TENM3: variants seen among roughly 807,000 people sequenced by gnomAD.
TENM3 encodes the protein teneurin transmembrane protein 3, also known as teneurin-3.
TENM3 carries 63 observed loss-of-function variants against 255.1 expected under a neutral mutation model. The observed-to-expected ratio is 0.25, with a 90% CI of 0.20 to 0.30. The LOEUF (loss-of-function observed/expected upper bound fraction) is 0.30. Among genes scored for constraint, TENM3 ranks in the 10% least tolerant of loss-of-function variants. The pLI is 1.00. For synonymous variants in TENM3, 1,306 were observed against 1,322.3 expected (o/e 0.99, Z 0.27); for missense variants, 2,929 against 3,461.1 (o/e 0.85, Z 3.86).
chr4:182,399,219 T>C (rs1401325047), intron 3 of TENM3, among the ~76,000 whole-genome samples: 1 of 152,236 alleles, frequency 6.6e-6, no homozygotes, highest in Admixed American at 6.5e-5. Context: ...GTTATAAAGG[T>C]AAATATTTTT....
At chr4:182,648,012 T>G (rs1456390323) in intron 5 of TENM3, among the ~76,000 whole-genome samples, 1 of 152,166 alleles carries the variant, frequency 6.6e-6, no homozygotes, top group African/African-American at 2.4e-5. Flanking sequence ...TTCCTGAGAT[T>G]TGCACTGAGG....
chr4:182,398,249 T>C (rs1320380539), intron 3 of TENM3, among the ~76,000 whole-genome samples: 1 of 152,098 alleles, frequency 6.6e-6, no homozygotes, highest in African/African-American at 2.4e-5. Flanking sequence ...AAGGGTGAGA[T>C]TGGCTCCAGA....
At chr4:181,955,324 GC>G in the TENM3 span, among the ~76,000 whole-genome samples, 1 of 152,084 alleles carries the variant, frequency 6.6e-6, no homozygotes, top group African/African-American at 2.4e-5. Flanking sequence ...CTGCTTCCTT[GC>G]CCTTCCCTAG....
chr4:181,955,629 TG>T, the TENM3 span, among the ~76,000 whole-genome samples: 8 of 152,210 alleles, frequency 5.3e-5, no homozygotes, highest in East Asian at 1.5e-3. Context: ...AACAAGGGTT[TG>T]GAAAGACTAC....
intron 11 of TENM3, among the ~76,000 whole-genome samples, chr4:182,684,400 C>T (rs1404574122): frequency 9.3e-6 from 1 of 107,134 alleles, no homozygotes; most frequent in East Asian, 3.0e-4. Context: ...AACTCAGACA[C>T]TGAACTGCCT....
the TENM3 span, among the ~76,000 whole-genome samples, chr4:181,694,856 C>T: frequency 6.6e-6 from 1 of 152,180 alleles, no homozygotes; most frequent in Non-Finnish European, 1.5e-5. Flanking sequence ...ACTCTGCTAT[C>T]CTAGAAGAAA....
At chr4:181,931,513 A>G in the TENM3 span, among the ~76,000 whole-genome samples, 1 of 152,228 alleles carries the variant, frequency 6.6e-6, no homozygotes, top group Non-Finnish European at 1.5e-5. Context: ...AGGAAATCAG[A>G]GAGGACACAA....
At chr4:182,544,640 C>T (rs1741248298) in intron 3 of TENM3, among the ~76,000 whole-genome samples, 1 of 152,148 alleles carries the variant, frequency 6.6e-6, no homozygotes, top group African/African-American at 2.4e-5. Flanking sequence ...TCTCAGTCTC[C>T]TTAGCTCTCA....
chr4:182,101,117 A>AG, the TENM3 span, among the ~76,000 whole-genome samples: 2 of 85,576 alleles, frequency 2.3e-5, no homozygotes, highest in Admixed American at 2.1e-4. Context: ...GAAGGAAAGA[A>AG]GGAAGGAAAG....
chr4:182,415,358 T>C (rs1009057711), intron 3 of TENM3, among the ~76,000 whole-genome samples: 4 of 152,240 alleles, frequency 2.6e-5, no homozygotes, highest in Admixed American at 6.5e-5. Flanking sequence ...TTGACTTTCA[T>C]GTCTTAAAGA....
chr4:182,443,352 C>T (rs941335002), intron 3 of TENM3, among the ~76,000 whole-genome samples: 1 of 152,122 alleles, frequency 6.6e-6, no homozygotes, highest in African/African-American at 2.4e-5. Context: ...TCTAGCTTGG[C>T]CACTCCTGTC....
At position 182,728,143 on chromosome 4, in the gene TENM3, C is replaced by T. The variant is rs111689213; in HGVS notation, c.2369-822C>T. On this transcript the variant is annotated intron_variant, in intron 13 of 27. Coordinates refer to ENST00000511685, the MANE Select transcript of TENM3 (RefSeq NM_001080477.4). ...GGATTACAAGCATGAGCCACTGCAC[C>T]GGCCAGAAGAGCTATTTTATTGAAA... Among the ~76,000 whole-genome samples, 1,484 of 152,242 alleles carry T rather than the reference C, an allele frequency of 9.7e-3. 29 individuals are homozygous for T. Among genetic ancestry groups the T allele is most frequent in the African/African-American group, 0.034 (1,401 of 41,558 alleles).
intron 1 of TENM3, among the ~76,000 whole-genome samples, chr4:182,267,453 T>A (rs10016042): frequency 0.33 from 50,329 of 151,954 alleles, 8,772 homozygotes; most frequent in African/African-American, 0.42. Context: ...AACTTAATTT[T>A]TAGAGCTGAT....
chr4:181,867,718 G>T, the TENM3 span, among the ~76,000 whole-genome samples: 1 of 152,238 alleles, frequency 6.6e-6, no homozygotes, highest in South Asian at 2.1e-4. Flanking sequence ...TGTTGTATAG[G>T]ATAGCAATTT....
At chr4:181,641,574 A>G in the TENM3 span, among the ~76,000 whole-genome samples, 11 of 78,322 alleles carry the variant, frequency 1.4e-4, no homozygotes, top group South Asian at 5.3e-3. Context: ...ATATATATAT[A>G]TATATATATA....
chr4:182,452,266 G>A lies in TENM3; in HGVS notation c.511+105337G>A, dbSNP rs187337441. Among the ~76,000 whole-genome samples, 12 of 147,644 alleles carry A rather than the reference G, an allele frequency of 8.1e-5. No homozygotes were observed. In the East Asian group the frequency reaches 2.5e-3, roughly 31 times the overall value. Reference sequence around the variant, plus strand: ...ACCATGAAGGAGATAGAATGGTTTGGTGAAGAAAGTAAATAAATAAATTAT... The same window carrying A: ...ACCATGAAGGAGATAGAATGGTTTGATGAAGAAAGTAAATAAATAAATTAT... On this transcript the variant is annotated intron_variant, in intron 3 of 27. Coordinates refer to ENST00000511685, the MANE Select transcript of TENM3 (RefSeq NM_001080477.4).
the TENM3 span, among the ~76,000 whole-genome samples, chr4:181,812,002 A>C: frequency 6.6e-6 from 1 of 152,200 alleles, no homozygotes; most frequent in Non-Finnish European, 1.5e-5. Flanking sequence ...GATGATGGTT[A>C]ATTTCTCTTT....
At chr4:181,903,727 C>A in the TENM3 span, among the ~76,000 whole-genome samples, 5 of 152,152 alleles carry the variant, frequency 3.3e-5, no homozygotes, top group African/African-American at 7.2e-5. Flanking sequence ...TCCTTCCTTG[C>A]AAGTCAAGAT....
chr4:182,293,648 C>G (rs1044185346), intron 1 of TENM3, among the ~76,000 whole-genome samples: 2 of 152,132 alleles, frequency 1.3e-5, no homozygotes, highest in Non-Finnish European at 2.9e-5. Flanking sequence ...TGACCCTGGA[C>G]AAAACAAAAG....
Sources: allele counts gnomAD v4.1 joint callset (sites outside exome capture counted in the v4.1 genomes callset), GRCh38; gene constraint gnomAD v4.1.1; transcripts MANE v1.5; gene names NCBI Gene and HGNC (gene_info 2026-07-23, HGNC 2026-07-21).